C1QTNF7: variants seen among roughly 807,000 people sequenced by gnomAD.
C1QTNF7 encodes the protein C1q and TNF related 7, also known as complement C1q tumor necrosis factor-related protein 7.
Under a neutral mutation model 19.6 loss-of-function variants are expected in C1QTNF7, and 15 were observed. That is an observed-to-expected ratio of 0.76 (90% CI 0.51 to 1.18). The LOEUF (loss-of-function observed/expected upper bound fraction) is 1.18. Among genes scored for constraint, C1QTNF7 ranks in the 50% most tolerant of loss-of-function variants. C1QTNF7 has a pLI of 0.00. For synonymous variants in C1QTNF7, 142 were observed against 137.5 expected, an observed-to-expected ratio of 1.03 and a Z score of -0.23; for missense variants, 324 against 359.7, an observed-to-expected ratio of 0.90 and a Z score of 0.80.
At chr4:15,391,663 C>T (rs1718562954) in intron 1 of C1QTNF7, among the ~76,000 whole-genome samples, 2 of 152,106 alleles carry the variant, frequency 1.3e-5, no homozygotes, top group South Asian at 2.1e-4. Flanking sequence ...TTGTTATTAA[C>T]GTGTTTGTGT....
chr4:15,445,362 GCAGA>G lies in C1QTNF7; in HGVS notation c.*2567_*2570del, dbSNP rs145429105. The G allele has an allele frequency of 6.6e-6, 1 of 152,340 alleles. No homozygotes were observed. The highest frequency in any genetic ancestry group is 1.5e-5 in the Non-Finnish European group (1 of 68,034). 9.4% of individuals were successfully genotyped at this position (152,340 alleles called of 1,614,324 possible). A position where few individuals can be genotyped will look rare whatever the true frequency, so the allele number is the denominator to read the frequency against. On this transcript the variant is annotated 3_prime_UTR_variant, in exon 3 of 3. Transcript: ENST00000444304. ...ATAAACTGGAAATGGAGAAGTTATT[GCAGA>G]CAGTCATGAACCACAAATCACTGTG...
chr4:15,417,821 C>T (rs971782654), intron 1 of C1QTNF7, among the ~76,000 whole-genome samples: 5 of 152,130 alleles, frequency 3.3e-5, no homozygotes, highest in Non-Finnish European at 5.9e-5. Flanking sequence ...TGGTGAGAGC[C>T]TCGGGAAGCA....
At chr4:15,416,038 A>G (rs1719593181) in intron 1 of C1QTNF7, among the ~76,000 whole-genome samples, 1 of 152,206 alleles carries the variant, frequency 6.6e-6, no homozygotes, top group African/African-American at 2.4e-5. Context: ...GTTGTCTTCA[A>G]ATTACATCCT....
At chr4:15,391,807 T>A (rs377373162) in intron 1 of C1QTNF7, among the ~76,000 whole-genome samples, 9 of 152,218 alleles carry the variant, frequency 5.9e-5, no homozygotes, top group African/African-American at 1.9e-4. Flanking sequence ...CAGTTTGTGA[T>A]GAGAAGGAAA....
At chr4:15,426,863 C>T (rs1426174739), upstream of C1QTNF7, among the ~76,000 whole-genome samples, 1 of 152,044 alleles carries the variant, frequency 6.6e-6, no homozygotes, top group Admixed American at 6.5e-5. Context: ...TCATTTGGTT[C>T]GAGAATATTA....
At chr4:15,368,669 T>C (rs1419506620) in intron 1 of C1QTNF7, among the ~76,000 whole-genome samples, 1 of 152,256 alleles carries the variant, frequency 6.6e-6, no homozygotes, top group Non-Finnish European at 1.5e-5. Flanking sequence ...ATGTGCCACA[T>C]TTTCTTAATC....
chr4:15,346,904 T>G (rs1237175696), intron 1 of C1QTNF7, among the ~76,000 whole-genome samples: 1 of 152,198 alleles, frequency 6.6e-6, no homozygotes, highest in African/African-American at 2.4e-5. Flanking sequence ...AGTGAACTCT[T>G]CACTGTTTCT....
intron 1 of C1QTNF7, among the ~76,000 whole-genome samples, chr4:15,356,943 G>GTTTT (rs199653260): frequency 7.9e-6 from 1 of 126,782 alleles, no homozygotes; most frequent in African/African-American, 2.9e-5. Flanking sequence ...TGATAAAGTT[G>GTTTT]TTTTTTTTTT....
rs1712849999 is a variant in C1QTNF7 at position 15,443,023 on chromosome 4, A to C, written c.*224A>C. Reference sequence around the variant, plus strand: ...CCAGATATAAATTCTCTTGAAAGCAATGTTCATAAATATTTAAGCAAATTA... The same window carrying C: ...CCAGATATAAATTCTCTTGAAAGCACTGTTCATAAATATTTAAGCAAATTA... On this transcript the variant is annotated 3_prime_UTR_variant, in exon 3 of 3. Transcript: ENST00000444304. 2.7e-6 allele frequency: 1 copy of C among 376,646 alleles called. No individual in the cohort carries two copies. The highest frequency in any genetic ancestry group is 4.6e-6 in the Non-Finnish European group (1 of 215,754). The allele number at this position is 376,646 out of a possible 1,614,324, so 23.3% of individuals were successfully genotyped here.
exon 1 of C1QTNF7, chr4:15,339,987 C>T (rs577465700): frequency 1.2e-5 from 8 of 653,746 alleles, no homozygotes; most frequent in South Asian, 9.5e-5. Context: ...TGCAAAACTT[C>T]GTACAACAGC....
intron 1 of C1QTNF7, among the ~76,000 whole-genome samples, chr4:15,374,349 T>C (rs1717848406): frequency 6.6e-6 from 1 of 152,168 alleles, no homozygotes; most frequent in South Asian, 2.1e-4. Context: ...CCCTGATCTC[T>C]CCCAGCACAA....
chr4:15,352,657 A>C (rs1233119482), intron 1 of C1QTNF7, among the ~76,000 whole-genome samples: 1 of 152,216 alleles, frequency 6.6e-6, no homozygotes, highest in Non-Finnish European at 1.5e-5. Context: ...CATAACAGCC[A>C]GAATCAGGAT....
intron 1 of C1QTNF7, chr4:15,374,589 A>T: frequency 2.0e-6 from 2 of 985,434 alleles, no homozygotes; most frequent in Non-Finnish European, 2.4e-6. Context: ...TCTCTCTGCC[A>T]CCGCTCAAAG....
At chr4:15,419,599 A>G (rs967574570) in intron 1 of C1QTNF7, among the ~76,000 whole-genome samples, 3 of 152,234 alleles carry the variant, frequency 2.0e-5, no homozygotes, top group African/African-American at 7.2e-5. Context: ...TCTGAGAAAT[A>G]GAACTAAATA....
In C1QTNF7 at chr4:15,435,856, G is replaced by A; in HGVS notation, c.113G>A (p.Gly38Asp). 6.2e-7 allele frequency: 1 copy of A among 1,614,088 alleles called. No homozygotes were observed. Among genetic ancestry groups the A allele is most frequent in the Non-Finnish European group, 8.5e-7 (1 of 1,180,018 alleles). The change falls in exon 2 of 3, where the codon GGC becomes GAC. Residue 38 changes from glycine (G) to aspartate (D), a missense_variant. Gly to Asp is a moderately conservative substitution (Grantham distance 94). Transcript: ENST00000444304. ...YSPRYICSIPGLPGPPGPPGA... is the reference protein window; with the variant it reads ...YSPRYICSIPDLPGPPGPPGA... ...CCCAGGTATATCTGCAGCATTCCTG[G>A]CTTGCCTGGACCTCCAGGGCCCCCT...
At chr4:15,421,271 T>C (rs1711747318) in intron 1 of C1QTNF7, among the ~76,000 whole-genome samples, 1 of 152,210 alleles carries the variant, frequency 6.6e-6, no homozygotes, top group Non-Finnish European at 1.5e-5. Flanking sequence ...ACTATTTTTA[T>C]GCCTACATAA....
intron 1 of C1QTNF7, among the ~76,000 whole-genome samples, chr4:15,419,569 A>T (rs1330818560): frequency 3.3e-5 from 5 of 152,220 alleles, no homozygotes; most frequent in Non-Finnish European, 7.3e-5. Flanking sequence ...AAGAAACTAA[A>T]GTGGTAACAG....
At chr4:15,410,829 C>A (rs773266584) in intron 1 of C1QTNF7, among the ~76,000 whole-genome samples, 1 of 152,166 alleles carries the variant, frequency 6.6e-6, no homozygotes, top group Non-Finnish European at 1.5e-5. Flanking sequence ...CAAAGCAGCA[C>A]GAAGGCAGCC....
intron 1 of C1QTNF7, among the ~76,000 whole-genome samples, chr4:15,422,797 T>A (rs931923135): frequency 6.6e-6 from 1 of 152,120 alleles, no homozygotes; most frequent in Admixed American, 6.6e-5. Context: ...TGTATTTATT[T>A]ATTTTTGTAG....
Sources: gnomAD v4.1 joint callset for allele counts (sites outside exome capture counted in the v4.1 genomes callset) on GRCh38, gnomAD v4.1.1 for gene constraint, MANE v1.5 for transcripts, NCBI Gene and HGNC (gene_info 2026-07-23, HGNC 2026-07-21) for gene names.